The following MIGA1 variants were observed in gnomAD, a reference collection of about 807,000 sequenced individuals.
MIGA1 encodes the protein mitoguardin 1.
Under a neutral mutation model 82.0 loss-of-function variants are expected in MIGA1, and 58 were observed. That is an observed-to-expected ratio of 0.71 (90% CI 0.57 to 0.88). The LOEUF (loss-of-function observed/expected upper bound fraction) is 0.88, where lower values mean the gene tolerates loss of function less well. MIGA1 is among the 40% of genes least tolerant of loss of function. The probability of loss-of-function intolerance (pLI) is 0.00; values close to 1 mark genes in which losing one functional copy is unlikely to be tolerated. For missense variants in MIGA1, 751 were observed against 749.1 expected (o/e 1.00, Z -0.03); for synonymous variants, 249 against 253.6 (o/e 0.98, Z 0.17).
intron 8 of MIGA1, among the ~76,000 whole-genome samples, chr1:77,855,368 A>C (rs529874267): frequency 1.2e-4 from 19 of 152,330 alleles, no homozygotes; most frequent in African/African-American, 2.4e-5. Context: ...TTCTTTGGCT[A>C]TGCAGGCTCT....
chr1:77,815,789 A>T (rs982245418), intron 7 of MIGA1, among the ~76,000 whole-genome samples: 1 of 152,056 alleles, frequency 6.6e-6, no homozygotes, highest in African/African-American at 2.4e-5. Context: ...GAGTGCAGTG[A>T]CACGATCACA....
intron 2 of MIGA1, among the ~76,000 whole-genome samples, chr1:77,791,003 C>T (rs916224858): frequency 6.6e-6 from 1 of 152,068 alleles, no homozygotes; most frequent in African/African-American, 2.4e-5. Flanking sequence ...AATCCCAGCA[C>T]TTTGGCTGGC....
chr1:77,805,972 A>C (rs1683084708), intron 4 of MIGA1, among the ~76,000 whole-genome samples: 1 of 152,236 alleles, frequency 6.6e-6, no homozygotes. Flanking sequence ...GAATCACTGT[A>C]CTGTACTTGC....
intron 8 of MIGA1, among the ~76,000 whole-genome samples, chr1:77,844,113 A>ATATATAT (rs1553223128): frequency 3.0e-4 from 27 of 90,096 alleles, no homozygotes; most frequent in African/African-American, 3.6e-4. Context: ...AAAAAAAAAA[A>ATATATAT]ATATATATAT....
chr1:77,870,450 G>A lies in MIGA1; in HGVS notation c.1564-2554G>A, dbSNP rs1244215533. 3.6e-4 allele frequency among the ~76,000 whole-genome samples: 42 copies of A among 117,152 alleles called. No individual in the cohort carries two copies. The East Asian group carries it at 0.011, about 32-fold the overall frequency. 76.9% of individuals were successfully genotyped at this position (117,152 alleles called of 152,430 possible). A position where few individuals can be genotyped will look rare whatever the true frequency, so the allele number is the denominator to read the frequency against. ...GCGCTCCTCACATCCCAGACAGGGC[G>A]GCGGGGCAGAGGTGCTCCCCACATC... On this transcript the variant is annotated intron_variant, in intron 14 of 15. Coordinates refer to ENST00000370791, the MANE Select transcript of MIGA1 (RefSeq NM_198549.4).
rs576732628 is a variant in MIGA1, at chr1:77,855,192, A to T, written c.997-3746A>T. On this transcript the variant is annotated intron_variant, in intron 8 of 15. Coordinates refer to ENST00000370791, the MANE Select transcript of MIGA1 (RefSeq NM_198549.4). ...TATGTTTTTGTTTGTTTTGTCAAAG[A>T]TCAGTTGGCTGAACTATTTGGGTTT... 4.6e-5 allele frequency among the ~76,000 whole-genome samples: 7 copies of T among 152,290 alleles called. 1 individual carries two copies. The South Asian group carries it at 1.4e-3, about 32-fold the overall frequency.
At chr1:77,818,634 C>G (rs541138559) in intron 7 of MIGA1, among the ~76,000 whole-genome samples, 1 of 152,060 alleles carries the variant, frequency 6.6e-6, no homozygotes, top group East Asian at 1.9e-4. Flanking sequence ...TTTCCTGGCT[C>G]GACATGGTGG....
At chr1:77,846,279 T>A (rs753290775) in intron 8 of MIGA1, among the ~76,000 whole-genome samples, 8 of 152,200 alleles carry the variant, frequency 5.3e-5, no homozygotes, top group Non-Finnish European at 1.2e-4. Flanking sequence ...ATGTTTTCTT[T>A]CAAGTTCTGA....
intron 2 of MIGA1, among the ~76,000 whole-genome samples, chr1:77,799,869 A>G (rs1280544358): frequency 1.3e-5 from 2 of 149,666 alleles, no homozygotes; most frequent in Non-Finnish European, 3.0e-5. Context: ...AAAAAAAACC[A>G]GCTGTTGGTC....
intron 3 of MIGA1, among the ~76,000 whole-genome samples, chr1:77,801,926 A>G (rs555531265): frequency 6.6e-6 from 1 of 152,294 alleles, no homozygotes; most frequent in South Asian, 2.1e-4. Context: ...TTTTTAATAT[A>G]TAACTAGTGT....
chr1:77,813,649 A>G, intron 5 of MIGA1, 85 bp from the exon 6 acceptor site: 2 of 1,391,834 alleles, frequency 1.4e-6, no homozygotes, highest in South Asian at 2.5e-5. Context: ...CATCAGTGAT[A>G]ATGTATGAAA....
chr1:77,852,792 G>A (rs1228032677), intron 8 of MIGA1, among the ~76,000 whole-genome samples: 1 of 152,168 alleles, frequency 6.6e-6, no homozygotes, highest in Non-Finnish European at 1.5e-5. Flanking sequence ...CTAGGTTCAA[G>A]TGATTCTCCT....
intron 2 of MIGA1, among the ~76,000 whole-genome samples, chr1:77,790,520 C>T (rs1209788012): frequency 2.0e-5 from 3 of 152,000 alleles, no homozygotes; most frequent in Admixed American, 2.0e-4. Context: ...CCCGCCTCGG[C>T]CTCCCAAAGT....
chr1:77,841,265 C>A (rs746917232), intron 7 of MIGA1, among the ~76,000 whole-genome samples: 7 of 151,868 alleles, frequency 4.6e-5, no homozygotes, highest in Non-Finnish European at 8.8e-5. Flanking sequence ...ATGTAAACGT[C>A]ATCTGAAAAC....
At chr1:77,813,059 C>T (rs999281669) in intron 5 of MIGA1, among the ~76,000 whole-genome samples, 3 of 152,266 alleles carry the variant, frequency 2.0e-5, no homozygotes, top group Admixed American at 6.5e-5. Flanking sequence ...CGGCTCACTG[C>T]AACCTCTGCC....
At chr1:77,838,965 A>G (rs1010840054) in intron 7 of MIGA1, among the ~76,000 whole-genome samples, 1 of 152,180 alleles carries the variant, frequency 6.6e-6, no homozygotes, top group African/African-American at 2.4e-5. Flanking sequence ...TGAATATACT[A>G]CGGTTTGTTT....
chr1:77,857,963 G>T (rs1685326105), intron 8 of MIGA1, among the ~76,000 whole-genome samples: 1 of 151,972 alleles, frequency 6.6e-6, no homozygotes, highest in South Asian at 2.1e-4. Context: ...ATAATCATAG[G>T]TTATAATACT....
intron 8 of MIGA1, among the ~76,000 whole-genome samples, chr1:77,856,739 T>TAGAA (rs1310673670): frequency 6.6e-6 from 1 of 152,218 alleles, no homozygotes; most frequent in African/African-American, 2.4e-5. Context: ...TTTCTTTTCT[T>TAGAA]AGTGAGGTTA....
chr1:77,812,834 A>G (rs1683395225), intron 5 of MIGA1, among the ~76,000 whole-genome samples: 1 of 152,146 alleles, frequency 6.6e-6, no homozygotes, highest in Non-Finnish European at 1.5e-5. Flanking sequence ...TGATGGGTTC[A>G]TTCAGTATCT....
Sources: gnomAD v4.1 joint callset for allele counts (sites outside exome capture counted in the v4.1 genomes callset) on GRCh38, gnomAD v4.1.1 for gene constraint, MANE v1.5 for transcripts, NCBI Gene and HGNC (gene_info 2026-07-23, HGNC 2026-07-21) for gene names.